Variants in PCDHGB2 observed in about 807,000 individuals in gnomAD.
PCDHGB2 encodes the protein protocadherin gamma-B2.
A neutral mutation model predicts 59.3 loss-of-function variants in PCDHGB2; 55 were observed. That is an observed-to-expected ratio of 0.93 (90% CI 0.75 to 1.16). PCDHGB2 has a LOEUF of 1.16. Among genes scored for constraint, PCDHGB2 ranks in the 50% most tolerant of loss-of-function variants. The pLI is 0.00. For missense variants in PCDHGB2, 1,228 were observed against 1,198.5 expected (o/e 1.02, Z -0.36); for synonymous variants, 516 against 512.0 (o/e 1.01, Z -0.11).
chr5:141,398,826 C>G (rs755219133), intron 1 of PCDHGB2: 1 of 1,613,824 alleles, frequency 6.2e-7, no homozygotes, highest in South Asian at 1.1e-5. Flanking sequence ...TCCAGGTAAC[C>G]GACGCCAATG....
At chr5:141,386,808 A>C (rs1477071186) in intron 1 of PCDHGB2, among the ~76,000 whole-genome samples, 1 of 152,258 alleles carries the variant, frequency 6.6e-6, no homozygotes, top group Non-Finnish European at 1.5e-5. Flanking sequence ...TATTAGATGC[A>C]TAAAATTGTT....
At chr5:141,501,238 G>A (rs1482962385) in intron 2 of PCDHGB2, among the ~76,000 whole-genome samples, 2 of 151,018 alleles carry the variant, frequency 1.3e-5, no homozygotes, top group African/African-American at 4.9e-5. Flanking sequence ...AGTTTTTTGA[G>A]CATGATGTAG....
intron 1 of PCDHGB2, chr5:141,364,768 G>C: frequency 6.2e-7 from 1 of 1,613,956 alleles, no homozygotes; most frequent in Non-Finnish European, 8.5e-7. Context: ...ATGAAAATGC[G>C]GCTGCAGGGA....
intron 1 of PCDHGB2, among the ~76,000 whole-genome samples, chr5:141,438,629 TATATATAC>T (rs1474630940): frequency 0.043 from 2,039 of 47,824 alleles, 19 homozygotes; most frequent in South Asian, 0.061. Flanking sequence ...TATATATATA[TATATATAC>T]ACACACACAC....
intron 1 of PCDHGB2, chr5:141,424,304 C>T (rs909355692): frequency 2.0e-5 from 3 of 152,464 alleles, no homozygotes; most frequent in Admixed American, 2.0e-4. Flanking sequence ...CCTATCAACA[C>T]AGACATATTG....
Position 141,486,453 on chromosome 5 carries a change from C to T in PCDHGB2, c.2422-8354C>T, listed in dbSNP as rs776820667. 6.2e-6 allele frequency: 10 copies of T among 1,614,114 alleles called. No homozygotes were observed. The highest frequency in any genetic ancestry group is 1.1e-5 in the South Asian group (1 of 91,082). On this transcript the variant is annotated intron_variant, in intron 1 of 3. Transcript: ENST00000522605. The surrounding 1 kb of genome is among the most constrained non-coding windows in gnomAD (Gnocchi z 5.0). ...TCTAGCTATGACATCATGGTCACTGCTTCTGATGCTGGGAACCCTCCTCTC... is the reference window on the plus strand; with the variant it reads ...TCTAGCTATGACATCATGGTCACTGTTTCTGATGCTGGGAACCCTCCTCTC...
Position 141,483,648 on chromosome 5 carries a change from T to TTGTG in PCDHGB2, c.2422-11141_2422-11138dup, listed in dbSNP as rs111458813. ...GGAGAAGGTATAGAGGGGTGTGTGTTTGTGTGTGTGTGTGTGTGTGTAAAA... is the reference window on the plus strand; with the variant it reads ...GGAGAAGGTATAGAGGGGTGTGTGTTTGTGTGTGTGTGTGTGTGTGTGTGTAAAA... On this transcript the variant is annotated intron_variant, in intron 1 of 3. Coordinates refer to ENST00000522605, the MANE Select transcript of PCDHGB2 (RefSeq NM_018923.3). Among the ~76,000 whole-genome samples, 501 of 149,686 alleles carry TTGTG rather than the reference T, an allele frequency of 3.3e-3. 2 individuals are homozygous for TTGTG. Among genetic ancestry groups the TTGTG allele is most frequent in the African/African-American group, 7.3e-3 (297 of 40,842 alleles).
intron 1 of PCDHGB2, chr5:141,390,447 G>A: frequency 1.2e-6 from 1 of 843,848 alleles, no homozygotes; most frequent in Non-Finnish European, 1.8e-6. Flanking sequence ...TACAAAGGAG[G>A]AGTAAAGTAG....
At chr5:141,392,921 A>T in intron 1 of PCDHGB2, 2 of 1,613,940 alleles carry the variant, frequency 1.2e-6, no homozygotes, top group Non-Finnish European at 1.7e-6. Flanking sequence ...ACTCTGTGCC[A>T]GAAGAGACGG....
intron 1 of PCDHGB2, chr5:141,413,762 C>A: frequency 1.2e-6 from 2 of 1,612,894 alleles, no homozygotes; most frequent in Non-Finnish European, 8.5e-7. Flanking sequence ...GTCAAGTACC[C>A]GGAGCTGGTA....
At chr5:141,393,248 C>T (rs1242966092) in intron 1 of PCDHGB2, 2 of 1,613,798 alleles carry the variant, frequency 1.2e-6, no homozygotes, top group Middle Eastern at 1.7e-4. Context: ...TTAACGAAAT[C>T]GCGGTTCCTG....
intron 1 of PCDHGB2, chr5:141,404,707 C>T: frequency 6.2e-7 from 1 of 1,614,122 alleles, no homozygotes; most frequent in Non-Finnish European, 8.5e-7. Flanking sequence ...CAGAGCCTGG[C>T]TACCTGGTGA....
intron 3 of PCDHGB2, among the ~76,000 whole-genome samples, chr5:141,508,658 A>G (rs1420910010): frequency 2.0e-5 from 3 of 152,086 alleles, no homozygotes; most frequent in African/African-American, 4.8e-5. Flanking sequence ...CCTTCCTGTC[A>G]TTCTGTCTCT....
chr5:141,437,820 C>T (rs973577605), intron 1 of PCDHGB2, among the ~76,000 whole-genome samples: 4 of 151,904 alleles, frequency 2.6e-5, no homozygotes, highest in Non-Finnish European at 5.9e-5. Flanking sequence ...TCACTGCAAC[C>T]TCTGCCTCCT....
At chr5:141,399,464 C>G in intron 1 of PCDHGB2, 1 of 1,614,018 alleles carries the variant, frequency 6.2e-7, no homozygotes, top group Non-Finnish European at 8.5e-7. Flanking sequence ...GATAACGCTC[C>G]GGTTTTCCAC....
intron 1 of PCDHGB2, chr5:141,366,006 C>T (rs760966863): frequency 1.5e-5 from 25 of 1,614,122 alleles, no homozygotes; most frequent in African/African-American, 6.7e-5. Flanking sequence ...AACGACAATA[C>T]GCCTGAGATC....
At chr5:141,447,011 C>T (rs1213312322) in intron 1 of PCDHGB2, among the ~76,000 whole-genome samples, 1 of 143,918 alleles carries the variant, frequency 6.9e-6, no homozygotes. Flanking sequence ...TCCTAGTGTT[C>T]AGTTTTGTTT....
At position 141,490,487 on chromosome 5, in the gene PCDHGB2, C is replaced by T. The variant is rs1398601464; in HGVS notation, c.2422-4320C>T. Reference sequence around the variant, plus strand: ...ACCAGCCAGCCTTTGGACCGGGAGGCCACATCCCACTATATCATCGAGCTG... The same window carrying T: ...ACCAGCCAGCCTTTGGACCGGGAGGTCACATCCCACTATATCATCGAGCTG... On this transcript the variant is annotated intron_variant, in intron 1 of 3. Coordinates refer to ENST00000522605, the MANE Select transcript of PCDHGB2 (RefSeq NM_018923.3). This position sits in a 1 kb window ranked among gnomAD's most constrained non-coding sequence, Gnocchi z 5.4. 4 of 1,614,000 alleles carry T rather than the reference C, an allele frequency of 2.5e-6. No homozygotes were observed. The highest frequency in any genetic ancestry group is 1.7e-5 in the Admixed American group (1 of 59,996).
At chr5:141,408,623 G>C in intron 1 of PCDHGB2, 1 of 1,614,004 alleles carries the variant, frequency 6.2e-7, no homozygotes, top group Non-Finnish European at 8.5e-7. Flanking sequence ...AATACATTTA[G>C]AAATTTTCGA....
Sources: allele counts gnomAD v4.1 joint callset (sites outside exome capture counted in the v4.1 genomes callset), GRCh38; gene constraint gnomAD v4.1.1; non-coding constraint Gnocchi (gnomAD v3.1); transcripts MANE v1.5; gene names NCBI Gene and HGNC (gene_info 2026-07-23, HGNC 2026-07-21).